The following HSP90AA1 variants were observed in gnomAD, a reference collection of about 807,000 sequenced individuals.
HSP90AA1 encodes heat shock protein 90 alpha family class A member 1.
HSP90AA1 carries 18 observed loss-of-function variants against 73.3 expected under a neutral mutation model. The observed-to-expected ratio is 0.25, with a 90% CI of 0.17 to 0.36. HSP90AA1 has a LOEUF of 0.36. HSP90AA1 is among the 10% of genes least tolerant of loss of function. HSP90AA1 has a pLI of 1.00. For missense variants in HSP90AA1, 704 were observed against 874.2 expected, an observed-to-expected ratio of 0.81 and a Z score of 2.45; for synonymous variants, 477 against 296.9, an observed-to-expected ratio of 1.61 and a Z score of -6.24.
intron 1 of HSP90AA1, among the ~76,000 whole-genome samples, chr14:102,134,456 T>C (rs548645373): frequency 2.0e-5 from 3 of 152,092 alleles, no homozygotes; most frequent in Non-Finnish European, 4.4e-5. Context: ...TTGGTCTCAC[T>C]GACTTCAAGA....
chr14:102,106,402 T>C (rs1240514761), intron 1 of HSP90AA1, among the ~76,000 whole-genome samples: 1 of 152,162 alleles, frequency 6.6e-6, no homozygotes, highest in Non-Finnish European at 1.5e-5. Flanking sequence ...CCTTTTGTTC[T>C]GTCAGCTAAT....
At chr14:102,087,076 C>T, upstream of HSP90AA1, 1 of 985,050 alleles carries the variant, frequency 1.0e-6, no homozygotes, top group East Asian at 1.1e-4. Context: ...CCTTATATAG[C>T]GACGGGCCCG....
At chr14:102,100,386 T>G (rs1320814541) in intron 2 of HSP90AA1, among the ~76,000 whole-genome samples, 1 of 151,064 alleles carries the variant, frequency 6.6e-6, no homozygotes, top group African/African-American at 2.4e-5. Context: ...GGCGACAGAG[T>G]GAGACCCTGT....
At chr14:102,087,822 C>G (rs1405844440), upstream of HSP90AA1, among the ~76,000 whole-genome samples, 1 of 151,882 alleles carries the variant, frequency 6.6e-6, no homozygotes, top group African/African-American at 2.4e-5. Flanking sequence ...CAAATTCATG[C>G]TTACCCAGCT....
chr14:102,106,075 CA>C (rs897989266), intron 1 of HSP90AA1, among the ~76,000 whole-genome samples: 75 of 140,912 alleles, frequency 5.3e-4, no homozygotes, highest in African/African-American at 7.3e-4. Context: ...GACTCCATCT[CA>C]AAAAAAAAAA....
Position 102,083,029 on chromosome 14 carries a change from C to G in HSP90AA1, c.1755+5G>C, listed in dbSNP as rs752472394. 27 of 1,613,426 alleles carry G rather than the reference C, an allele frequency of 1.7e-5. No individual in the cohort carries two copies. Among genetic ancestry groups the G allele is most frequent in the Non-Finnish European group, 2.3e-5 (27 of 1,179,456 alleles). On this transcript the variant is annotated splice_donor_5th_base_variant and intron_variant, in intron 9 of 10. Transcript: ENST00000216281. ...CAATGATCAGGAAATGCTGTATTCA[C>G]ATACCTTTTCAACTTTTTTCTCCAA...
At chr14:102,131,917 A>G (rs1239811266) in intron 1 of HSP90AA1, among the ~76,000 whole-genome samples, 2 of 152,174 alleles carry the variant, frequency 1.3e-5, no homozygotes, top group East Asian at 1.9e-4. Context: ...AGTTACAACA[A>G]TGTAGCATAT....
intron 1 of HSP90AA1, among the ~76,000 whole-genome samples, chr14:102,129,669 A>G (rs1055218121): frequency 6.6e-6 from 1 of 151,624 alleles, no homozygotes; most frequent in African/African-American, 2.4e-5. Flanking sequence ...TTCCCAGCTA[A>G]TTTTTGTATT....
At position 102,086,385 on chromosome 14, in the gene HSP90AA1, C is replaced by T; in HGVS notation, c.1-7G>A. ...TCTGGGTTTCCTCAGGCATCTGGAA[C>T]GACACCGCGCCGGTTTAAAACCTTG... On this transcript the variant is annotated splice_polypyrimidine_tract_variant and splice_region_variant and intron_variant, in intron 1 of 10. Coordinates refer to ENST00000216281, the MANE Select transcript of HSP90AA1 (RefSeq NM_005348.4). 1 of 1,614,180 alleles carries T rather than the reference C, an allele frequency of 6.2e-7. No individual in the cohort carries two copies. The highest frequency in any genetic ancestry group is 1.1e-5 in the South Asian group (1 of 91,090).
At chr14:102,128,762 C>T in intron 1 of HSP90AA1, among the ~76,000 whole-genome samples, 1 of 152,018 alleles carries the variant, frequency 6.6e-6, no homozygotes, top group Non-Finnish European at 1.5e-5. Context: ...GATCATGCCA[C>T]TGCATTCCAG....
At chr14:102,138,967 C>A (rs2050131001) in intron 1 of HSP90AA1, among the ~76,000 whole-genome samples, 1 of 151,886 alleles carries the variant, frequency 6.6e-6, no homozygotes, top group Non-Finnish European at 1.5e-5. Flanking sequence ...GAAAAAAAAA[C>A]AATTACCTTA....
chr14:102,134,646 C>A (rs2049957931), intron 1 of HSP90AA1, among the ~76,000 whole-genome samples: 1 of 151,988 alleles, frequency 6.6e-6, no homozygotes, highest in Non-Finnish European at 1.5e-5. Context: ...TAAGGCAGCA[C>A]GTCTGGAGTT....
rs950477679 is a variant in HSP90AA1, at chr14:102,139,661, A to C, written c.-257T>G. ...CTGAAGCCGGCATCACCTGGGAAGCAGCCATGCCGCCCGGAGGCCACACCC... is the reference window on the plus strand; with the variant it reads ...CTGAAGCCGGCATCACCTGGGAAGCCGCCATGCCGCCCGGAGGCCACACCC... On this transcript the variant is annotated 5_prime_UTR_variant, in exon 1 of 12. Transcript: ENST00000334701. 2.0e-5 allele frequency: 13 copies of C among 648,088 alleles called. No individual in the cohort carries two copies. In the African/African-American group the frequency reaches 2.0e-4, roughly 10 times the overall value. 40.1% of individuals were successfully genotyped at this position (648,088 alleles called of 1,614,324 possible).
At chr14:102,101,827 T>G in intron 2 of HSP90AA1, 1 of 1,497,716 alleles carries the variant, frequency 6.7e-7, no homozygotes, top group Non-Finnish European at 9.3e-7. Context: ...ATGGTTAACA[T>G]TAGCTAGAAA....
At chr14:102,119,845 G>T (rs1304788131) in intron 1 of HSP90AA1, among the ~76,000 whole-genome samples, 1 of 152,104 alleles carries the variant, frequency 6.6e-6, no homozygotes. Flanking sequence ...TCCGTGGAAT[G>T]ATATTTTGTT....
chr14:102,084,103 T>G, intron 6 of HSP90AA1, 120 bp from the exon 7 acceptor site: 8 of 861,208 alleles, frequency 9.3e-6, no homozygotes, highest in South Asian at 8.5e-5. Context: ...ACAGTCTCAC[T>G]CTGTTGCCCA....
At chr14:102,088,963 A>G (rs966423305), upstream of HSP90AA1, among the ~76,000 whole-genome samples, 9 of 150,632 alleles carry the variant, frequency 6.0e-5, no homozygotes, top group Non-Finnish European at 5.9e-5. Context: ...CTCGAGGGCA[A>G]TGGCACAATC....
intron 6 of HSP90AA1, 191 bp from the exon 7 acceptor site, chr14:102,084,174 A>C (rs1035864083): frequency 5.8e-6 from 4 of 685,726 alleles, no homozygotes; most frequent in African/African-American, 1.8e-5. Context: ...GGGGGGTTCA[A>C]GCTGTTTTCA....
chr14:102,138,534 G>T (rs1043590294), intron 1 of HSP90AA1, among the ~76,000 whole-genome samples: 3 of 151,788 alleles, frequency 2.0e-5, no homozygotes, highest in East Asian at 3.9e-4. Flanking sequence ...CACTACAAAG[G>T]CTAAAGATGT....
Sources: gnomAD v4.1 joint callset for allele counts (sites outside exome capture counted in the v4.1 genomes callset) on GRCh38, gnomAD v4.1.1 for gene constraint, MANE v1.5 for transcripts, NCBI Gene and HGNC (gene_info 2026-07-23, HGNC 2026-07-21) for gene names.